Variants in MYT1L observed in about 807,000 individuals in gnomAD.
The protein encoded by MYT1L is myelin transcription factor 1 like.
A neutral mutation model predicts 126.7 loss-of-function variants in MYT1L; 12 were observed. The ratio of observed to expected loss-of-function variants is 0.09; its 90% CI spans 0.06 to 0.15. The LOEUF is 0.15. MYT1L is among the 10% of genes least tolerant of loss of function. The pLI, the probability that MYT1L is intolerant of heterozygous loss-of-function variation, is 1.00. For synonymous variants in MYT1L, 541 were observed against 604.2 expected (o/e 0.90, Z 1.53); for missense variants, 979 against 1,585.2 (o/e 0.62, Z 6.49).
chr2:1,897,135 G>A (rs552058304), intron 14 of MYT1L, among the ~76,000 whole-genome samples: 42 of 152,200 alleles, frequency 2.8e-4, no homozygotes, highest in Non-Finnish European at 5.4e-4. Context: ...ATATAAAAAT[G>A]TCATTTAAAA....
rs115938797 is a variant in MYT1L at position 2,266,956 on chromosome 2, C to T, written c.-421+17448G>A. Among the ~76,000 whole-genome samples the T allele has an allele frequency of 8.1e-3, 1,239 of 152,292 alleles. 18 individuals carry two copies. Among genetic ancestry groups the T allele is most frequent in the African/African-American group, 0.026 (1,099 of 41,564 alleles). On this transcript the variant is annotated intron_variant, in intron 2 of 24. Coordinates refer to ENST00000647738, the MANE Select transcript of MYT1L (RefSeq NM_001303052.2). ...CCTTTATAAATTACCCAGTCTCGAG[C>T]GTCTTCGTTAGCAGCATGAGAACAG... is the stretch of plus-strand genomic sequence containing the variant.
chr2:1,814,675 C>A (rs1032428474), intron 21 of MYT1L, among the ~76,000 whole-genome samples: 3 of 152,178 alleles, frequency 2.0e-5, no homozygotes, highest in Non-Finnish European at 4.4e-5. Context: ...ATGGGTCTTG[C>A]CGCAGAATTT....
intron 3 of MYT1L, among the ~76,000 whole-genome samples, chr2:2,099,398 A>C (rs967381263): frequency 1.1e-4 from 16 of 152,050 alleles, no homozygotes; most frequent in Non-Finnish European, 7.4e-5. Context: ...TAGGAAACTA[A>C]GGGCTAATTC....
At chr2:2,018,863 C>T (rs997109607) in intron 4 of MYT1L, among the ~76,000 whole-genome samples, 9 of 152,104 alleles carry the variant, frequency 5.9e-5, no homozygotes, top group African/African-American at 2.2e-4. Flanking sequence ...AGAGAGAGAA[C>T]GCCTCCTAAG....
chr2:1,981,718 GA>G (rs2060625219), intron 5 of MYT1L, among the ~76,000 whole-genome samples: 1 of 152,142 alleles, frequency 6.6e-6, no homozygotes, highest in Non-Finnish European at 1.5e-5. Flanking sequence ...ACATGTTTTA[GA>G]AAAAAACAAG....
intron 1 of MYT1L, among the ~76,000 whole-genome samples, chr2:2,293,777 G>C (rs561431060): frequency 6.6e-6 from 1 of 152,072 alleles, no homozygotes; most frequent in Admixed American, 6.5e-5. Context: ...CCCTCCTCCC[G>C]GCTCCTCTGG....
chr2:2,022,709 A>G (rs200018938), intron 4 of MYT1L, among the ~76,000 whole-genome samples: 1 of 152,086 alleles, frequency 6.6e-6, no homozygotes, highest in East Asian at 1.9e-4. Context: ...CTCTGAAAAA[A>G]AAAAAAAGAA....
intron 5 of MYT1L, among the ~76,000 whole-genome samples, chr2:1,993,784 G>A (rs749692042): frequency 2.6e-5 from 4 of 152,134 alleles, no homozygotes; most frequent in African/African-American, 7.2e-5. Context: ...TTCTGGAAGC[G>A]CTGGTCACCT....
chr2:1,861,657 GCC>G (rs2044637158), intron 18 of MYT1L, among the ~76,000 whole-genome samples: 1 of 54,146 alleles, frequency 1.8e-5, no homozygotes, highest in Non-Finnish European at 4.0e-5. Flanking sequence ...TCTTCCTACA[GCC>G]TGTGTAATCG....
intron 4 of MYT1L, among the ~76,000 whole-genome samples, chr2:2,015,175 C>A (rs1368195578): frequency 2.0e-5 from 3 of 152,154 alleles, no homozygotes; most frequent in Non-Finnish European, 2.9e-5. Flanking sequence ...AAGAGCACTG[C>A]AATGCTGAAG....
Position 1,936,740 on chromosome 2 carries a change from T to C in MYT1L, c.505+6242A>G, listed in dbSNP as rs1347941670. On this transcript the variant is annotated intron_variant, in intron 9 of 24. Transcript: ENST00000647738. ...CCCTGAGAAAGACAGGAGAGGATAA[T>C]TGGCTAATCAATATGGAGAATGGTG... Among the ~76,000 whole-genome samples the C allele has an allele frequency of 3.3e-5, 5 of 152,140 alleles. No individual in the cohort carries two copies. The East Asian group carries it at 9.7e-4, about 29-fold the overall frequency.
chr2:1,792,308 C>A lies in MYT1L; in HGVS notation c.3420+13G>T. ...GGACTCCACATTCCTGCCTTGCGTG[C>A]TCAGTCACTTACCATGTGCGGCAGC... is the stretch of plus-strand genomic sequence containing the variant. On this transcript the variant is annotated intron_variant, in intron 24 of 24. Coordinates refer to ENST00000647738, the MANE Select transcript of MYT1L (RefSeq NM_001303052.2). 6.3e-7 allele frequency: 1 copy of A among 1,593,936 alleles called. No individual in the cohort carries two copies. The highest frequency in any genetic ancestry group is 8.5e-7 in the Non-Finnish European group (1 of 1,169,726).
chr2:1,887,385 C>T lies in MYT1L; in HGVS notation c.2642+103G>A, dbSNP rs2048293616. 6 of 1,461,294 alleles carry T rather than the reference C, an allele frequency of 4.1e-6. No individual in the cohort carries two copies. The highest frequency in any genetic ancestry group is 1.2e-5 in the South Asian group (1 of 82,254). 90.5% of individuals were successfully genotyped at this position (1,461,294 alleles called of 1,614,324 possible). ...GGAAACATTTATATGCTGCGAATGT[C>T]GCATGCTCAAACGGCAAGGCATATA... On this transcript the variant is annotated intron_variant, in intron 17 of 24. Coordinates refer to ENST00000647738, the MANE Select transcript of MYT1L (RefSeq NM_001303052.2). The surrounding 1 kb of genome is among the most constrained non-coding windows in gnomAD (Gnocchi z 4.8).
At chr2:2,232,683 G>C (rs902987081) in intron 2 of MYT1L, among the ~76,000 whole-genome samples, 1 of 152,202 alleles carries the variant, frequency 6.6e-6, no homozygotes, top group Admixed American at 6.5e-5. Flanking sequence ...TGGGAGCTAC[G>C]ATAGGCTTTA....
intron 4 of MYT1L, among the ~76,000 whole-genome samples, chr2:2,020,969 C>G (rs2064970087): frequency 6.6e-6 from 1 of 152,232 alleles, no homozygotes; most frequent in Non-Finnish European, 1.5e-5. Context: ...TTCCCTCCTG[C>G]AGCAGAAGGC....
intron 9 of MYT1L, among the ~76,000 whole-genome samples, chr2:1,933,712 G>A (rs2055336341): frequency 6.6e-6 from 1 of 152,156 alleles, no homozygotes; most frequent in Admixed American, 6.5e-5. Flanking sequence ...ACAGGCCCAG[G>A]ACAGGGTGCC....
intron 3 of MYT1L, among the ~76,000 whole-genome samples, chr2:2,062,905 T>TAAAAAAAAA (rs2070722830): frequency 6.6e-6 from 1 of 151,342 alleles, no homozygotes. Flanking sequence ...GACATATCCT[T>TAAAAAAAAA]CAGCTTTTCA....
chr2:1,944,776 C>A (rs1333437134), intron 8 of MYT1L, among the ~76,000 whole-genome samples: 1 of 152,202 alleles, frequency 6.6e-6, no homozygotes, highest in East Asian at 1.9e-4. Flanking sequence ...TAGAACCTCT[C>A]ACTCCTGTGT....
chr2:2,204,041 GA>G (rs1269283649), intron 2 of MYT1L, among the ~76,000 whole-genome samples: 4 of 152,180 alleles, frequency 2.6e-5, no homozygotes, highest in Non-Finnish European at 4.4e-5. Flanking sequence ...ATGGTGCTGG[GA>G]AAACTGGCTA....
Sources: allele counts gnomAD v4.1 joint callset (sites outside exome capture counted in the v4.1 genomes callset), GRCh38; gene constraint gnomAD v4.1.1; non-coding constraint Gnocchi (gnomAD v3.1); transcripts MANE v1.5; gene names NCBI Gene and HGNC (gene_info 2026-07-23, HGNC 2026-07-21).